FAT2: variants seen among roughly 807,000 people sequenced by gnomAD.
FAT2 encodes the protein protocadherin Fat 2.
Under a neutral mutation model 295.3 loss-of-function variants are expected in FAT2, and 150 were observed. That is an observed-to-expected ratio of 0.51 (90% CI 0.44 to 0.58). The LOEUF is 0.58. FAT2 is among the 20% of genes least tolerant of loss of function. The probability of loss-of-function intolerance (pLI) is 0.00; values close to 1 mark genes in which losing one functional copy is unlikely to be tolerated. For synonymous variants in FAT2, 2,026 were observed against 2,150.3 expected, an observed-to-expected ratio of 0.94 and a Z score of 1.60; for missense variants, 4,868 against 5,442.7, an observed-to-expected ratio of 0.89 and a Z score of 3.32.
rs1377634007 is a variant in FAT2 at position 151,568,258 on chromosome 5, T to C, written c.674A>G (p.Asp225Gly). 5.0e-6 allele frequency: 8 copies of C among 1,614,020 alleles called. No individual in the cohort carries two copies. The highest frequency in any genetic ancestry group is 6.8e-6 in the Non-Finnish European group (8 of 1,180,030). ...GCCCTCAGAGATTTTCCGCATGCGGTCCACAGCTAGCACCTGGAGCTCATG... is the reference window on the plus strand; with the variant it reads ...GCCCTCAGAGATTTTCCGCATGCGGCCCACAGCTAGCACCTGGAGCTCATG... ...GKHELQVLAV[D>G]RMRKISEGNG... The change falls in exon 2 of 24, where the codon GAC (aspartate) becomes GGC (glycine). Residue 225 changes from aspartate (D) to glycine (G), a missense_variant. Coordinates refer to ENST00000261800, the MANE Select transcript of FAT2 (RefSeq NM_001447.3).
intron 19 of FAT2, among the ~76,000 whole-genome samples, chr5:151,520,162 A>T (rs1190580194): frequency 2.6e-5 from 4 of 152,228 alleles, no homozygotes; most frequent in Non-Finnish European, 5.9e-5. Flanking sequence ...GATATCCCGA[A>T]TGCCAGGCAG....
rs1754570125 is a variant in FAT2 at position 151,531,322 on chromosome 5, G to A, written c.9811+265C>T. 6.6e-6 allele frequency among the ~76,000 whole-genome samples: 1 copy of A among 152,200 alleles called. No individual in the cohort carries two copies. On this transcript the variant is annotated intron_variant, in intron 14 of 23. Transcript: ENST00000261800. This position sits in a 1 kb window ranked among gnomAD's most constrained non-coding sequence, Gnocchi z 5.7. ...TGAAGCCGCTAACTGTGTGGGAGGA[G>A]AGTGGATCACTGAGGGTCCTGGACA...
At chr5:151,591,745 G>A (rs1273471379), upstream of FAT2, among the ~76,000 whole-genome samples, 2 of 152,190 alleles carry the variant, frequency 1.3e-5, no homozygotes, top group Non-Finnish European at 2.9e-5. Flanking sequence ...CCCTGGCACT[G>A]CCACCTACTA....
rs80297629 is a variant in FAT2 at position 151,505,497 on chromosome 5, C to T, written c.*68G>A. 1.8e-4 allele frequency: 293 copies of T among 1,589,938 alleles called. 4 individuals are homozygous for T. In the East Asian group the frequency reaches 6.0e-3, roughly 33 times the overall value. On this transcript the variant is annotated 3_prime_UTR_variant, in exon 24 of 24. Coordinates refer to ENST00000261800, the MANE Select transcript of FAT2 (RefSeq NM_001447.3). ...CCAGCCACACTCAACTCACCCCCTACGAGACAGGAAGAAATAAGCCAAGTC... is the reference window on the plus strand; with the variant it reads ...CCAGCCACACTCAACTCACCCCCTATGAGACAGGAAGAAATAAGCCAAGTC...
chr5:151,522,109 TGTCACCCAACAGAACTGCA>T (rs1366161662), intron 18 of FAT2, 23 bp from the exon 19 acceptor site: 2 of 1,538,482 alleles, frequency 1.3e-6, no homozygotes, highest in Non-Finnish European at 1.8e-6. Context: ...CAAACACTGC[TGTCACCCAACAGAACTGCA>T]GTGCTCTTGC....
At position 151,566,139 on chromosome 5, in the gene FAT2, C is replaced by T; in HGVS notation, c.2793G>A (p.Arg931=). 6.2e-7 allele frequency: 1 copy of T among 1,614,120 alleles called. No individual in the cohort carries two copies. The highest frequency in any genetic ancestry group is 1.1e-5 in the South Asian group (1 of 91,068). Residue 931 remains arginine (R), a synonymous_variant, in exon 2 of 24, where the codon AGG becomes AGA. Coordinates refer to ENST00000261800, the MANE Select transcript of FAT2 (RefSeq NM_001447.3). The stretch of plus-strand genomic sequence containing the variant: ...GGGGCAGGTCCTCTGGAACCTTCAG[C>T]CTGTTGTGTTCTGTGATGCACTGGG... ...NSPQCITEHN[R]LKVPEDLPPG...
intron 8 of FAT2, among the ~76,000 whole-genome samples, chr5:151,549,825 G>GA (rs904258849): frequency 4.6e-4 from 70 of 151,102 alleles, no homozygotes; most frequent in African/African-American, 1.6e-3. Context: ...TGTCATGCAG[G>GA]AAAAAAAAAT....
At chr5:151,551,631 A>G in intron 6 of FAT2, 25 bp from the exon 7 acceptor site, 1 of 1,613,390 alleles carries the variant, frequency 6.2e-7, no homozygotes, top group African/African-American at 1.3e-5. Context: ...GGGAGAAAGC[A>G]CACACAACCT....
At position 151,543,107 on chromosome 5, in the gene FAT2, G is replaced by C. The variant is rs1395875283; in HGVS notation, c.8020C>G (p.Leu2674Val). The C allele has an allele frequency of 9.9e-6, 16 of 1,614,052 alleles. No individual in the cohort carries two copies. The highest frequency in any genetic ancestry group is 1.4e-5 in the Non-Finnish European group (16 of 1,180,024). ...ACCACCTGAAGTCGTACTGGCACCA[G>C]AGAGTTCCAGTGAGGAGGGCCTCCA... ...QDGGPPHWNS[L>V]VPVRLQVVPK... is the part of the protein sequence containing the mutation. Residue 2674 changes from leucine to valine, a missense_variant, in exon 10 of 24, where the codon CTG becomes GTG. Transcript: ENST00000261800.
At position 151,565,650 on chromosome 5, in the gene FAT2, C is replaced by T; in HGVS notation, c.3259+23G>A. ...CCCATCTACCTCTGGCCCTGGCACC[C>T]CACCCTACCCCACCCCCAGTACCTG... is the stretch of plus-strand genomic sequence containing the variant. On this transcript the variant is annotated intron_variant, in intron 2 of 23. Transcript: ENST00000261800. 4 of 1,270,880 alleles carry T rather than the reference C, an allele frequency of 3.1e-6. No individual in the cohort carries two copies. Among genetic ancestry groups the T allele is most frequent in the Non-Finnish European group, 4.4e-6 (4 of 915,752 alleles). 78.7% of individuals were successfully genotyped at this position (1,270,880 alleles called of 1,614,324 possible).
intron 13 of FAT2, among the ~76,000 whole-genome samples, chr5:151,533,658 G>T (rs1355899260): frequency 6.6e-6 from 1 of 151,916 alleles, no homozygotes; most frequent in East Asian, 1.9e-4. Context: ...GATGCTGAGA[G>T]CATTTTTTTT....
chr5:151,540,184 G>A (rs1389034902), intron 11 of FAT2, among the ~76,000 whole-genome samples: 1 of 152,230 alleles, frequency 6.6e-6, no homozygotes, highest in Non-Finnish European at 1.5e-5. Flanking sequence ...GGGGAGAGAT[G>A]TGGGCCATGA....
At position 151,505,993 on chromosome 5, in the gene FAT2, G is replaced by A. The variant is rs749725903; in HGVS notation, c.12622C>T (p.His4208Tyr). ...ATCACGACTGGGGTTGAGTGGCGGT[G>A]AGCCGAGGGCGGCAGAGGGCCCTGA... The part of the protein sequence containing the change: ...VTQGPLPPSA[H>Y]RHSTPVVMPE... The change falls in exon 24 of 24, where the codon CAC (histidine) becomes TAC (tyrosine). Residue 4208 changes from histidine to tyrosine, a missense_variant. This residue lies in a region of FAT2 where 492 missense variants were observed against 482.6 expected (regional missense o/e 1.02). Coordinates refer to ENST00000261800, the MANE Select transcript of FAT2 (RefSeq NM_001447.3). The A allele has an allele frequency of 6.4e-7, 1 of 1,573,114 alleles. No individual in the cohort carries two copies. Among genetic ancestry groups the A allele is most frequent in the South Asian group, 1.2e-5 (1 of 83,958 alleles).
intron 8 of FAT2, 88 bp downstream of exon 8, chr5:151,550,502 A>AG (rs1314134149): frequency 4.2e-6 from 6 of 1,429,224 alleles, no homozygotes; most frequent in Non-Finnish European, 5.8e-6. Flanking sequence ...TATGAGGGGA[A>AG]GGGGGACCTT....
In FAT2 at chr5:151,546,293, T is replaced by C; in HGVS notation, c.4834A>G (p.Ile1612Val). Reference sequence around the variant, plus strand: ...TGATCAAGCTTTTGAGCTAGAGTAATGATGCCTAGCAGGGCATTGATGTTG... The same window carrying C: ...TGATCAAGCTTTTGAGCTAGAGTAACGATGCCTAGCAGGGCATTGATGTTG... The part of the protein sequence containing the change: ...FFNINALLGI[I>V]TLAQKLDQAN... The change falls in exon 10 of 24, where the codon ATT (isoleucine) becomes GTT (valine). Residue 1612 changes from isoleucine (I) to valine (V), a missense_variant. Transcript: ENST00000261800. 6.2e-7 allele frequency: 1 copy of C among 1,614,032 alleles called. No homozygotes were observed. Among genetic ancestry groups the C allele is most frequent in the South Asian group, 1.1e-5 (1 of 91,078 alleles).
chr5:151,568,132 T>C lies in FAT2; in HGVS notation c.800A>G (p.Asn267Ser). 1 of 1,614,222 alleles carries C rather than the reference T, an allele frequency of 6.2e-7. No homozygotes were observed. The highest frequency in any genetic ancestry group is 8.5e-7 in the Non-Finnish European group (1 of 1,180,032). The change falls in exon 2 of 24, where the codon AAT becomes AGT. Residue 267 changes from asparagine to serine, a missense_variant. Asn to Ser is a conservative substitution (Grantham distance 46). Around this residue, in one of 5 missense-constraint regions of FAT2, gnomAD observed 3,297 missense variants for 3,669.4 expected, o/e 0.90. Coordinates refer to ENST00000261800, the MANE Select transcript of FAT2 (RefSeq NM_001447.3). ...ASVVVTPPDSNDGTTYATVLV... is the reference protein window; with the variant it reads ...ASVVVTPPDSSDGTTYATVLV... ...TACAGTGGCATAGGTGGTACCATCA[T>C]TGCTGTCTGGTGGAGTCACCACCAC...
At chr5:151,547,402 T>C (rs954937119) in intron 9 of FAT2, among the ~76,000 whole-genome samples, 1 of 152,232 alleles carries the variant, frequency 6.6e-6, no homozygotes, top group Non-Finnish European at 1.5e-5. Context: ...AATCTTTTAA[T>C]GCCATTAAAT....
chr5:151,507,665 C>A, intron 22 of FAT2, 54 bp from the exon 23 acceptor site: 2 of 1,484,850 alleles, frequency 1.3e-6, no homozygotes, highest in Non-Finnish European at 1.8e-6. Context: ...CTTTCCATGT[C>A]CCCTCTTACA....
In FAT2 at chr5:151,567,625, G is replaced by A; in HGVS notation, c.1307C>T (p.Ser436Leu). The stretch of plus-strand genomic sequence containing the variant: ...CACCACGGTGGAGGCCTGGCCCGGT[G>A]AGGTTCTGATGTGTAGCTGATAGTG... Reference protein sequence around the residue: ...RAHYQLHIRTSPGQASTVVVI... With the variant: ...RAHYQLHIRTLPGQASTVVVI... Residue 436 changes from serine (S) to leucine (L), a missense_variant, in exon 2 of 24, where the codon TCA becomes TTA. This residue lies in a region of FAT2 where 3,297 missense variants were observed against 3,669.4 expected (regional missense o/e 0.90). Coordinates refer to ENST00000261800, the MANE Select transcript of FAT2 (RefSeq NM_001447.3). 4.3e-6 allele frequency: 7 copies of A among 1,614,172 alleles called. No individual in the cohort carries two copies. The highest frequency in any genetic ancestry group is 5.9e-6 in the Non-Finnish European group (7 of 1,180,028).
Sources: gnomAD v4.1 joint callset for allele counts (sites outside exome capture counted in the v4.1 genomes callset) on GRCh38, gnomAD v4.1.1 for gene constraint, gnomAD v4.1.1 regional missense constraint, Gnocchi (gnomAD v3.1) non-coding constraint, MANE v1.5 for transcripts, NCBI Gene and HGNC (gene_info 2026-07-23, HGNC 2026-07-21) for gene names.